The following TSHZ1 variants were observed in gnomAD, a reference collection of about 807,000 sequenced individuals.
TSHZ1 encodes teashirt homolog 1.
Under a neutral mutation model 67.1 loss-of-function variants are expected in TSHZ1, and 12 were observed. That is an observed-to-expected ratio of 0.18 (90% CI 0.11 to 0.29). The LOEUF (loss-of-function observed/expected upper bound fraction) is 0.29, where lower values mean the gene tolerates loss of function less well. Ranked by LOEUF, TSHZ1 falls within the 10% of genes least tolerant of loss-of-function variation. The pLI is 1.00. For missense variants in TSHZ1, 1,305 were observed against 1,413.9 expected, an observed-to-expected ratio of 0.92 and a Z score of 1.23; for synonymous variants, 632 against 622.4, an observed-to-expected ratio of 1.02 and a Z score of -0.23.
intron 1 of TSHZ1, among the ~76,000 whole-genome samples, chr18:75,270,130 T>C (rs2023540140): frequency 6.6e-6 from 1 of 152,198 alleles, no homozygotes. Context: ...TGCGGCATTA[T>C]GATTGTGTGT....
At chr18:75,262,216 T>C (rs1360752168) in intron 1 of TSHZ1, among the ~76,000 whole-genome samples, 1 of 152,212 alleles carries the variant, frequency 6.6e-6, no homozygotes, top group Non-Finnish European at 1.5e-5. Flanking sequence ...TACCAGAAGA[T>C]TGTGATCACT....
rs1288946824 is a variant in TSHZ1 at position 75,266,509 on chromosome 18, G to T, written c.41-18939G>T. Among the ~76,000 whole-genome samples the T allele has an allele frequency of 2.0e-5, 3 of 152,200 alleles. No individual in the cohort carries two copies. The East Asian group carries it at 5.8e-4, about 29-fold the overall frequency. Reference sequence around the variant, plus strand: ...ATATTCATGAACAGAAATCCAACTTGTATGTAGAAGTAATAGTAATTAATG... The same window carrying T: ...ATATTCATGAACAGAAATCCAACTTTTATGTAGAAGTAATAGTAATTAATG... On this transcript the variant is annotated intron_variant, in intron 1 of 1. Coordinates refer to ENST00000580243, the MANE Select transcript of TSHZ1 (RefSeq NM_001308210.2).
rs1568369568 is a variant in TSHZ1, at chr18:75,285,731, C to T, written c.324C>T (p.Tyr108=). The part of the protein sequence containing the change: ...EDPQCPDSVS[Y]PQDSLAQIKA... ...CGCAGTGTCCCGACAGCGTCTCGTA[C>T]CCCCAGGACAGCCTGGCACAGATCA... Residue 108 remains tyrosine, a synonymous_variant, in exon 2 of 2, where the codon TAC becomes TAT. Transcript: ENST00000580243. 1.2e-6 allele frequency: 2 copies of T among 1,613,974 alleles called. No homozygotes were observed. The highest frequency in any genetic ancestry group is 1.7e-6 in the Non-Finnish European group (2 of 1,179,896).
At chr18:75,212,206 C>G (rs1310351932) in intron 1 of TSHZ1, among the ~76,000 whole-genome samples, 1 of 152,198 alleles carries the variant, frequency 6.6e-6, no homozygotes, top group African/African-American at 2.4e-5. Flanking sequence ...GTGCTTCTGG[C>G]TACCTCAGGA....
chr18:75,240,505 G>A (rs1371464425), intron 1 of TSHZ1, among the ~76,000 whole-genome samples: 1 of 152,154 alleles, frequency 6.6e-6, no homozygotes, highest in African/African-American at 2.4e-5. Flanking sequence ...CCTGCAGTGG[G>A]TCCTGCCCCC....
rs1294607622 is a variant in TSHZ1, at chr18:75,289,577, G to A, written c.*936G>A. Reference sequence around the variant, plus strand: ...TAAAAACTCCTGTATGTTACATATCGTACCATTTTAATCTCTTCAACTTTC... The same window carrying A: ...TAAAAACTCCTGTATGTTACATATCATACCATTTTAATCTCTTCAACTTTC... On this transcript the variant is annotated 3_prime_UTR_variant, in exon 2 of 2. Transcript: ENST00000580243. 5 of 166,966 alleles carry A rather than the reference G, an allele frequency of 3.0e-5. No homozygotes were observed. Among genetic ancestry groups the A allele is most frequent in the Admixed American group, 6.5e-5 (1 of 15,278 alleles). The allele number at this position is 166,966 out of a possible 1,614,324, so 10.3% of individuals were successfully genotyped here. A position where few individuals can be genotyped will look rare whatever the true frequency, so the allele number is the denominator to read the frequency against.
rs762970671 is a variant in TSHZ1, at chr18:75,280,869, G to T, written c.41-4579G>T. The stretch of plus-strand genomic sequence containing the variant: ...TGAATTCCGTGAGGGGATTGAGAGG[G>T]TGGCATAAGGAGATGACCTTTGAGC... On this transcript the variant is annotated intron_variant, in intron 1 of 1. Coordinates refer to ENST00000580243, the MANE Select transcript of TSHZ1 (RefSeq NM_001308210.2). 7.2e-6 allele frequency: 7 copies of T among 971,818 alleles called. No individual in the cohort carries two copies. The South Asian group carries it at 1.9e-4, about 26-fold the overall frequency. 60.2% of individuals were successfully genotyped at this position (971,818 alleles called of 1,614,324 possible). A position where few individuals can be genotyped will look rare whatever the true frequency, so the allele number is the denominator to read the frequency against.
intron 1 of TSHZ1, among the ~76,000 whole-genome samples, chr18:75,241,439 G>A (rs1461574861): frequency 6.6e-6 from 1 of 152,180 alleles, no homozygotes; most frequent in Non-Finnish European, 1.5e-5. Flanking sequence ...ATGGGGGCAG[G>A]TGAGTCTCCC....
chr18:75,211,871 A>C lies in TSHZ1; in HGVS notation c.-6A>C, dbSNP rs1394029736. The C allele has an allele frequency of 8.4e-7, 1 of 1,184,910 alleles. No individual in the cohort carries two copies. 73.4% of individuals were successfully genotyped at this position (1,184,910 alleles called of 1,614,324 possible). On this transcript the variant is annotated 5_prime_UTR_variant, in exon 1 of 2. Coordinates refer to ENST00000580243, the MANE Select transcript of TSHZ1 (RefSeq NM_001308210.2). The stretch of plus-strand genomic sequence containing the variant: ...GCTGAGGCGACGGCTGCGGCGGCCG[A>C]GCAGCATGCCGAGGAGGAAGCAGCA...
chr18:75,280,063 A>G (rs1048347348), intron 1 of TSHZ1, among the ~76,000 whole-genome samples: 1 of 152,178 alleles, frequency 6.6e-6, no homozygotes, highest in Non-Finnish European at 1.5e-5. Context: ...TTCTCTTTGT[A>G]CTGTGTATAT....
rs1375682991 is a variant in TSHZ1, at chr18:75,210,903, G to GA, written c.-974_-973insA. 1 of 150,816 alleles carries GA rather than the reference G, an allele frequency of 6.6e-6. No individual in the cohort carries two copies. The highest frequency in any genetic ancestry group is 2.4e-5 in the African/African-American group (1 of 40,946). 9.3% of individuals were successfully genotyped at this position (150,816 alleles called of 1,614,324 possible). ...CTCTCTCCCAGGAGTTTGAGGGGGG[G>GA]GGGGACAGTCCACGCTCATCTCGCC... On this transcript the variant is annotated 5_prime_UTR_variant, in exon 1 of 2. Transcript: ENST00000580243.
intron 1 of TSHZ1, among the ~76,000 whole-genome samples, chr18:75,266,735 A>G (rs898847014): frequency 2.0e-5 from 3 of 152,228 alleles, no homozygotes; most frequent in African/African-American, 7.2e-5. Flanking sequence ...GATCACCTGC[A>G]GGAGCTGGGC....
In TSHZ1 at chr18:75,270,793, G is replaced by A. The variant is rs1326389538; in HGVS notation, c.41-14655G>A. Among the ~76,000 whole-genome samples the A allele has an allele frequency of 2.6e-5, 4 of 152,028 alleles. No homozygotes were observed. In the East Asian group the frequency reaches 7.7e-4, roughly 29 times the overall value. On this transcript the variant is annotated intron_variant, in intron 1 of 1. Coordinates refer to ENST00000580243, the MANE Select transcript of TSHZ1 (RefSeq NM_001308210.2). ...TTCCACTGTTTAGCCCACTCCCATG[G>A]TGTAGTTTAGATTTTTTTAATGTAT...
chr18:75,255,487 T>C (rs1383691052), intron 1 of TSHZ1, among the ~76,000 whole-genome samples: 3 of 152,168 alleles, frequency 2.0e-5, no homozygotes, highest in Non-Finnish European at 4.4e-5. Flanking sequence ...CCCCCTAACA[T>C]AGCTGGGGAT....
chr18:75,268,896 C>G (rs1301737930), intron 1 of TSHZ1, among the ~76,000 whole-genome samples: 2 of 152,120 alleles, frequency 1.3e-5, no homozygotes, highest in African/African-American at 2.4e-5. Context: ...GCTGTTTTTC[C>G]CTTTTCCACC....
chr18:75,255,555 C>T (rs1292886530), intron 1 of TSHZ1, among the ~76,000 whole-genome samples: 1 of 152,100 alleles, frequency 6.6e-6, no homozygotes, highest in Non-Finnish European at 1.5e-5. Flanking sequence ...ATATGTGATA[C>T]AATATCTAAT....
chr18:75,266,357 A>G (rs2023490612), intron 1 of TSHZ1, among the ~76,000 whole-genome samples: 1 of 152,236 alleles, frequency 6.6e-6, no homozygotes, highest in African/African-American at 2.4e-5. Flanking sequence ...CTAGGCCTCC[A>G]AGTAAAAACA....
chr18:75,289,364 A>AT lies in TSHZ1; in HGVS notation c.*724dup, dbSNP rs1251838435. 6.0e-6 allele frequency: 1 copy of AT among 166,902 alleles called. No individual in the cohort carries two copies. The highest frequency in any genetic ancestry group is 1.5e-5 in the Non-Finnish European group (1 of 68,116). 10.3% of individuals were successfully genotyped at this position (166,902 alleles called of 1,614,324 possible). ...TGCCACTTTCGGCAAAAAAAAAAGT[A>AT]TGCAAGCTATTATTTAAAAATGTGT... On this transcript the variant is annotated 3_prime_UTR_variant, in exon 2 of 2. Transcript: ENST00000580243.
At chr18:75,228,221 C>CCAGT (rs1320149465) in intron 1 of TSHZ1, among the ~76,000 whole-genome samples, 1 of 152,208 alleles carries the variant, frequency 6.6e-6, no homozygotes, top group Non-Finnish European at 1.5e-5. Flanking sequence ...AGACAGCATG[C>CCAGT]CAGTGGTCCT....
Sources: allele counts gnomAD v4.1 joint callset (sites outside exome capture counted in the v4.1 genomes callset), GRCh38; gene constraint gnomAD v4.1.1; transcripts MANE v1.5; gene names NCBI Gene and HGNC (gene_info 2026-07-23, HGNC 2026-07-21).